Variants in TNKS observed in about 807,000 individuals in gnomAD.
TNKS encodes the protein tankyrase.
A neutral mutation model predicts 135.8 loss-of-function variants in TNKS; 72 were observed. That is an observed-to-expected ratio of 0.53 (90% CI 0.44 to 0.64). The LOEUF is 0.64. Among genes scored for constraint, TNKS ranks in the 30% least tolerant of loss-of-function variants. The pLI, the probability that TNKS is intolerant of heterozygous loss-of-function variation, is 0.00. For synonymous variants in TNKS, 849 were observed against 649.3 expected, an observed-to-expected ratio of 1.31 and a Z score of -4.68; for missense variants, 1,769 against 1,674.0, an observed-to-expected ratio of 1.06 and a Z score of -0.99.
intron 1 of TNKS, among the ~76,000 whole-genome samples, chr8:9,571,916 G>C (rs1585181216): frequency 6.6e-6 from 1 of 152,116 alleles, no homozygotes; most frequent in African/African-American, 2.4e-5. Flanking sequence ...CTTTTGTCTG[G>C]TAAATTGCTT....
At chr8:9,615,419 C>G in intron 2 of TNKS, 163 bp from the exon 3 acceptor site, 1 of 503,218 alleles carries the variant, frequency 2.0e-6, no homozygotes, top group Non-Finnish European at 3.5e-6. Flanking sequence ...TCTAGAGAGG[C>G]TCCTTTGCTG....
At chr8:9,631,070 G>C (rs1438577886) in intron 3 of TNKS, among the ~76,000 whole-genome samples, 1 of 151,998 alleles carries the variant, frequency 6.6e-6, no homozygotes, top group African/African-American at 2.4e-5. Flanking sequence ...CTCTCACAAG[G>C]CTGCTTTTTT....
chr8:9,772,325 A>G (rs766535379), intron 26 of TNKS: 1 of 450,570 alleles, frequency 2.2e-6, no homozygotes. Context: ...AATCAAAATC[A>G]ACATCACCAA....
intron 2 of TNKS, among the ~76,000 whole-genome samples, chr8:9,582,659 A>G (rs1006785580): frequency 6.6e-6 from 1 of 152,222 alleles, no homozygotes; most frequent in African/African-American, 2.4e-5. Flanking sequence ...ATGTAAAATG[A>G]GAATACTGTT....
At chr8:9,747,018 G>A (rs1052779580) in intron 17 of TNKS, among the ~76,000 whole-genome samples, 1 of 151,132 alleles carries the variant, frequency 6.6e-6, no homozygotes, top group African/African-American at 2.4e-5. Context: ...GAGTAGCTTG[G>A]ATTACAGGCA....
chr8:9,710,376 T>C (rs1215289806), intron 11 of TNKS, 156 bp downstream of exon 11: 7 of 680,322 alleles, frequency 1.0e-5, no homozygotes, highest in Non-Finnish European at 1.8e-5. Context: ...AAAGCTGATT[T>C]AGATCTTGTT....
At chr8:9,630,753 T>G (rs1800259661) in intron 3 of TNKS, among the ~76,000 whole-genome samples, 1 of 152,248 alleles carries the variant, frequency 6.6e-6, no homozygotes, top group Admixed American at 6.5e-5. Context: ...GTCATTAGGT[T>G]TCTGTAGTCT....
At chr8:9,574,202 A>G (rs1350102000) in intron 1 of TNKS, among the ~76,000 whole-genome samples, 2 of 152,216 alleles carry the variant, frequency 1.3e-5, no homozygotes, top group Non-Finnish European at 2.9e-5. Flanking sequence ...TGTTTGGGGA[A>G]AGAATGTGCT....
chr8:9,567,356 C>A (rs1422056379), intron 1 of TNKS, among the ~76,000 whole-genome samples: 1 of 152,144 alleles, frequency 6.6e-6, no homozygotes, highest in African/African-American at 2.4e-5. Context: ...TGGAAGTAAT[C>A]TTTGAAGAAC....
At chr8:9,701,685 C>T (rs1803811248) in intron 5 of TNKS, among the ~76,000 whole-genome samples, 1 of 152,188 alleles carries the variant, frequency 6.6e-6, no homozygotes, top group African/African-American at 2.4e-5. Flanking sequence ...AGGGTAACAA[C>T]TCCAACTTAC....
At chr8:9,773,119 CTTTTT>C in intron 26 of TNKS, among the ~76,000 whole-genome samples, 1 of 151,166 alleles carries the variant, frequency 6.6e-6, no homozygotes, top group Non-Finnish European at 1.5e-5. Flanking sequence ...AGAAAAGAAG[CTTTTT>C]TTTAACTTTT....
intron 3 of TNKS, among the ~76,000 whole-genome samples, chr8:9,617,214 G>A (rs570556574): frequency 6.6e-6 from 1 of 152,332 alleles, no homozygotes; most frequent in South Asian, 2.1e-4. Context: ...ATTGGATGTT[G>A]TTAGTTTGGG....
chr8:9,590,486 C>G (rs1798549731), intron 2 of TNKS, among the ~76,000 whole-genome samples: 1 of 152,134 alleles, frequency 6.6e-6, no homozygotes, highest in Admixed American at 6.6e-5. Context: ...CATACATTTA[C>G]TTGTTTGTTT....
At chr8:9,754,341 C>A (rs1261237061) in intron 20 of TNKS, among the ~76,000 whole-genome samples, 1 of 152,180 alleles carries the variant, frequency 6.6e-6, no homozygotes, top group Non-Finnish European at 1.5e-5. Flanking sequence ...TAGAATAAAT[C>A]TGTTTTTTCA....
At chr8:9,620,107 G>A (rs1475741850) in intron 3 of TNKS, among the ~76,000 whole-genome samples, 3 of 151,988 alleles carry the variant, frequency 2.0e-5, no homozygotes, top group South Asian at 2.1e-4. Flanking sequence ...GCGCCACCAC[G>A]CCCAGCTAAT....
intron 1 of TNKS, among the ~76,000 whole-genome samples, chr8:9,579,219 G>A (rs1431898168): frequency 6.6e-6 from 1 of 151,924 alleles, no homozygotes; most frequent in South Asian, 2.1e-4. Context: ...TTGCCATATC[G>A]TTTCCTCAAA....
At chr8:9,672,241 A>G (rs928820726) in intron 3 of TNKS, among the ~76,000 whole-genome samples, 4 of 152,178 alleles carry the variant, frequency 2.6e-5, no homozygotes, top group Non-Finnish European at 5.9e-5. Flanking sequence ...TGGAAAAAAC[A>G]TATATAGGGT....
chr8:9,685,936 C>T (rs192965002), intron 5 of TNKS, among the ~76,000 whole-genome samples: 3 of 152,160 alleles, frequency 2.0e-5, no homozygotes, highest in African/African-American at 7.2e-5. Flanking sequence ...TGATCAGTAC[C>T]CCCGTCTCTC....
In TNKS at chr8:9,734,999, G is replaced by T; in HGVS notation, c.2448G>T (p.Leu816=). The part of the protein sequence containing the change: ...ALLDAAKKGC[L]ARVQKLCTPE... ...TGGATGCTGCCAAGAAGGGCTGCCT[G>T]GCAAGAGTGCAGAAGCTCTGTACCC... Residue 816 remains leucine, a synonymous_variant, in exon 16 of 27, where the codon CTG becomes CTT. Transcript: ENST00000310430. 1 of 1,614,108 alleles carries T rather than the reference G, an allele frequency of 6.2e-7. No homozygotes were observed. The highest frequency in any genetic ancestry group is 8.5e-7 in the Non-Finnish European group (1 of 1,179,988).
Sources: allele counts gnomAD v4.1 joint callset (sites outside exome capture counted in the v4.1 genomes callset), GRCh38; gene constraint gnomAD v4.1.1; transcripts MANE v1.5; gene names NCBI Gene and HGNC (gene_info 2026-07-23, HGNC 2026-07-21).